PTPN21: variants seen among roughly 807,000 people sequenced by gnomAD.
PTPN21 encodes tyrosine-protein phosphatase non-receptor type 21.
Under a neutral mutation model 131.8 loss-of-function variants are expected in PTPN21, and 77 were observed. That is an observed-to-expected ratio of 0.58 (90% CI 0.49 to 0.71). PTPN21 has a LOEUF of 0.71. PTPN21 is among the 30% of genes least tolerant of loss of function. PTPN21 has a pLI of 0.00. For synonymous variants in PTPN21, 715 were observed against 621.3 expected, an observed-to-expected ratio of 1.15 and a Z score of -2.24; for missense variants, 1,552 against 1,527.1, an observed-to-expected ratio of 1.02 and a Z score of -0.27.
rs73314126 is a variant in PTPN21 at position 88,478,710 on chromosome 14, T to C, written c.2511+210A>G. Among the ~76,000 whole-genome samples, 5,062 of 151,718 alleles carry C rather than the reference T, an allele frequency of 0.033. 353 individuals carry two copies. The highest frequency in any genetic ancestry group is 0.12 in the African/African-American group (4,813 of 40,994). ...CTTTTCACTTCATCTATAATAATTA[T>C]CTCCAGTAAAACCACTAAAATTCAA... is the stretch of plus-strand genomic sequence containing the variant. On this transcript the variant is annotated intron_variant, in intron 13 of 18. Coordinates refer to ENST00000556564, the MANE Select transcript of PTPN21 (RefSeq NM_007039.4).
chr14:88,515,620 G>A (rs1394615327), intron 3 of PTPN21: 1 of 152,020 alleles, frequency 6.6e-6, no homozygotes, highest in Admixed American at 6.6e-5. Context: ...ATTCCCTCTA[G>A]AACATTTCTA....
Position 88,550,353 on chromosome 14 carries a change from C to A in PTPN21, c.65G>T (p.Cys22Phe). Reference sequence around the variant, plus strand: ...AAGCAGTTGGATCCGGGCAACCAGGCAACTCTTGCTGGACACCGTGTAGCG... The same window carrying A: ...AAGCAGTTGGATCCGGGCAACCAGGAAACTCTTGCTGGACACCGTGTAGCG... ...TRRYTVSSKSCLVARIQLLNN... is the reference protein window; with the variant it reads ...TRRYTVSSKSFLVARIQLLNN... Residue 22 changes from cysteine to phenylalanine, a missense_variant, in exon 2 of 19, where the codon TGC becomes TTC. Cys to Phe is a radical substitution (Grantham distance 205, BLOSUM62 -2). Around this residue, in one of 4 missense-constraint regions of PTPN21, gnomAD observed 206 missense variants for 221.6 expected, o/e 0.93. Transcript: ENST00000556564. 1.2e-6 allele frequency: 2 copies of A among 1,614,234 alleles called. No individual in the cohort carries two copies. Among genetic ancestry groups the A allele is most frequent in the Non-Finnish European group, 1.7e-6 (2 of 1,180,040 alleles).
At chr14:88,525,710 A>G (rs1424754506) in intron 2 of PTPN21, among the ~76,000 whole-genome samples, 5 of 152,214 alleles carry the variant, frequency 3.3e-5, no homozygotes, top group African/African-American at 1.2e-4. Flanking sequence ...TACATACCCA[A>G]AAGAACTGAA....
At chr14:88,500,731 G>T (rs371345808) in intron 8 of PTPN21, 52 bp downstream of exon 8, 2 of 1,249,412 alleles carry the variant, frequency 1.6e-6, no homozygotes, top group African/African-American at 3.0e-5. Context: ...ACTAAAAAAT[G>T]TATCACCAAC....
chr14:88,521,001 C>A (rs1309488111), intron 2 of PTPN21, among the ~76,000 whole-genome samples: 1 of 151,896 alleles, frequency 6.6e-6, no homozygotes, highest in Non-Finnish European at 1.5e-5. Context: ...TGCCACCACA[C>A]CAGGCTATAT....
intron 8 of PTPN21, among the ~76,000 whole-genome samples, chr14:88,500,185 C>T (rs1428959451): frequency 6.6e-6 from 1 of 152,166 alleles, no homozygotes; most frequent in Non-Finnish European, 1.5e-5. Context: ...CACCTGGAAT[C>T]CCAGCACTGT....
Position 88,473,763 on chromosome 14 carries a change from G to A in PTPN21, c.2551C>T (p.Pro851Ser), listed in dbSNP as rs942409777. 52 of 1,609,192 alleles carry A rather than the reference G, an allele frequency of 3.2e-5. No individual in the cohort carries two copies. Among genetic ancestry groups the A allele is most frequent in the Non-Finnish European group, 4.2e-5 (49 of 1,179,020 alleles). The part of the protein sequence containing the change: ...KTRVDAKKIG[P>S]LKLAALNGLS... ...CCATTTAGGGCAGCCAGTTTAAGAG[G>A]ACCAATTTTTTTTGCATCTACTCGA... Residue 851 changes from proline to serine, a missense_variant, in exon 14 of 19, where the codon CCT (proline) becomes TCT (serine). Physicochemically the swap from Pro to Ser is moderately conservative, Grantham distance 74. This residue lies in a region of PTPN21 where 1,016 missense variants were observed against 883.5 expected (regional missense o/e 1.15). Transcript: ENST00000556564.
chr14:88,505,491 G>T, intron 4 of PTPN21, 120 bp from the exon 5 acceptor site: 1 of 608,154 alleles, frequency 1.6e-6, no homozygotes, highest in Non-Finnish European at 2.8e-6. Context: ...AGTCAAATTT[G>T]TTATAGCTAT....
intron 2 of PTPN21, among the ~76,000 whole-genome samples, chr14:88,541,594 G>A (rs1349788357): frequency 6.6e-6 from 1 of 152,110 alleles, no homozygotes; most frequent in Non-Finnish European, 1.5e-5. Flanking sequence ...CCATCAGCAG[G>A]ACAGTGGGGG....
chr14:88,512,158 GC>G (rs775305413), intron 3 of PTPN21, among the ~76,000 whole-genome samples: 26 of 152,014 alleles, frequency 1.7e-4, no homozygotes, highest in Non-Finnish European at 2.9e-4. Context: ...CCTGTCCTTT[GC>G]CCCCTCCACC....
intron 6 of PTPN21, among the ~76,000 whole-genome samples, chr14:88,501,827 T>A (rs1358525799): frequency 6.7e-6 from 1 of 150,122 alleles, no homozygotes; most frequent in Non-Finnish European, 1.5e-5. Flanking sequence ...AAAAAAAAAA[T>A]GTTTTAAATT....
chr14:88,469,910 A>T lies in PTPN21; in HGVS notation c.3000+12T>A, dbSNP rs2297128. On this transcript the variant is annotated intron_variant, in intron 16 of 18. Transcript: ENST00000556564. The surrounding 1 kb of genome is among the most constrained non-coding windows in gnomAD (Gnocchi z 4.3). ...AGGCTGAGAAAATCACTTAAGAGAA[A>T]TAAGTACCTACCTCTTCTGCTGTCA... 3 of 1,613,574 alleles carry T rather than the reference A, an allele frequency of 1.9e-6. No homozygotes were observed. The highest frequency in any genetic ancestry group is 2.5e-6 in the Non-Finnish European group (3 of 1,179,806).
chr14:88,551,453 C>T (rs1436346573), intron 1 of PTPN21: 1 of 152,256 alleles, frequency 6.6e-6, no homozygotes, highest in Non-Finnish European at 1.5e-5. Flanking sequence ...GCGTCCTCCC[C>T]TTGGGAAGAG....
In PTPN21 at chr14:88,465,992, A is replaced by G. The variant is rs896553512; in HGVS notation, c.*2145T>C. 3 of 151,496 alleles carry G rather than the reference A, an allele frequency of 2.0e-5. No individual in the cohort carries two copies. The highest frequency in any genetic ancestry group is 6.6e-5 in the Admixed American group (1 of 15,248). 9.4% of individuals were successfully genotyped at this position (151,496 alleles called of 1,614,324 possible). On this transcript the variant is annotated 3_prime_UTR_variant, in exon 19 of 19. Transcript: ENST00000556564. ...ACTCTTTAATTAGATTTGTTTTACA[A>G]TATGTTCTTGTCAACGAGCTATGTC...
intron 13 of PTPN21, among the ~76,000 whole-genome samples, chr14:88,476,102 G>A (rs2077543733): frequency 6.6e-6 from 1 of 152,192 alleles, no homozygotes; most frequent in African/African-American, 2.4e-5. Context: ...TGGAGGTGGA[G>A]ATGGGTGGAG....
At position 88,468,138 on chromosome 14, in the gene PTPN21, T is replaced by G. The variant is rs773260253; in HGVS notation, c.3524A>C (p.Ter1175SerextTer23). Residue 1175 changes from the stop codon to serine (S), a stop_lost, in exon 19 of 19, where the codon TAA becomes TCA. Transcript: ENST00000556564. ...IQFLKSSRLI[*>S] ...GGCCCCGTAAGAAATTGTGGGAGCT[T>G]AGATGAGCCTGGAGCTTTTCAGGAA... The G allele has an allele frequency of 6.2e-7, 1 of 1,614,050 alleles. No homozygotes were observed. Among genetic ancestry groups the G allele is most frequent in the South Asian group, 1.1e-5 (1 of 91,062 alleles).
chr14:88,478,825 AAG>A (rs2077584735), intron 13 of PTPN21, 93 bp downstream of exon 13: 2 of 752,876 alleles, frequency 2.7e-6, no homozygotes, highest in Non-Finnish European at 3.9e-6. Context: ...TTAAAAGAAC[AAG>A]AGGAGCTGAA....
Position 88,468,272 on chromosome 14 carries a change from T to C in PTPN21, c.3397-7A>G, listed in dbSNP as rs200555041. The C allele has an allele frequency of 1.8e-5, 28 of 1,590,166 alleles. No individual in the cohort carries two copies. The East Asian group carries it at 4.9e-4, about 28-fold the overall frequency. On this transcript the variant is annotated splice_polypyrimidine_tract_variant and splice_region_variant and intron_variant, in intron 18 of 18. Transcript: ENST00000556564. Reference sequence around the variant, plus strand: ...CTCTCGGGATGTCCAGCACCTAGGTTGAGAGAAACGGTAATGAAGATAATG... The same window carrying C: ...CTCTCGGGATGTCCAGCACCTAGGTCGAGAGAAACGGTAATGAAGATAATG...
intron 2 of PTPN21, among the ~76,000 whole-genome samples, chr14:88,525,078 A>G (rs1249159782): frequency 6.6e-6 from 1 of 151,988 alleles, no homozygotes; most frequent in Non-Finnish European, 1.5e-5. Context: ...CTTTGCCTCT[A>G]CAAAAAATAA....
Sources: gnomAD v4.1 joint callset for allele counts (sites outside exome capture counted in the v4.1 genomes callset) on GRCh38, gnomAD v4.1.1 for gene constraint, gnomAD v4.1.1 regional missense constraint, Gnocchi (gnomAD v3.1) non-coding constraint, MANE v1.5 for transcripts, NCBI Gene and HGNC (gene_info 2026-07-23, HGNC 2026-07-21) for gene names.